Variants in CFAP46 observed in about 807,000 individuals in gnomAD.
CFAP46 encodes the protein cilia- and flagella-associated protein 46.
A neutral mutation model predicts 325.7 loss-of-function variants in CFAP46; 245 were observed. That is an observed-to-expected ratio of 0.75 (90% CI 0.68 to 0.84). The LOEUF is 0.84. Among genes scored for constraint, CFAP46 ranks in the 40% least tolerant of loss-of-function variants. The probability of loss-of-function intolerance (pLI) is 0.00; values close to 1 mark genes in which losing one functional copy is unlikely to be tolerated. For synonymous variants in CFAP46, 1,523 were observed against 1,495.9 expected (o/e 1.02, Z -0.42); for missense variants, 3,346 against 3,543.0 (o/e 0.94, Z 1.41).
rs900597798 is a variant in CFAP46, at chr10:132,817,078, C to T, written c.7118-2164G>A. On this transcript the variant is annotated intron_variant, in intron 50 of 57. Transcript: ENST00000368586. The surrounding 1 kb of genome is among the most constrained non-coding windows in gnomAD (Gnocchi z 4.4). ...CTCTCTTTTTGCTCTTTGTCTGGAC[C>T]GTCAGTAATCCAGGCGTGGTAAAAT... is the stretch of plus-strand genomic sequence containing the variant. Among the ~76,000 whole-genome samples, 6 of 152,168 alleles carry T rather than the reference C, an allele frequency of 3.9e-5. No homozygotes were observed. The highest frequency in any genetic ancestry group is 1.9e-4 in the East Asian group (1 of 5,192).
Position 132,847,464 on chromosome 10 carries a change from C to G in CFAP46, c.5953-143G>C, listed in dbSNP as rs1848459253. 1 of 968,156 alleles carries G rather than the reference C, an allele frequency of 1.0e-6. No individual in the cohort carries two copies. Among genetic ancestry groups the G allele is most frequent in the Non-Finnish European group, 1.6e-6 (1 of 637,914 alleles). 60.0% of individuals were successfully genotyped at this position (968,156 alleles called of 1,614,324 possible). A position where few individuals can be genotyped will look rare whatever the true frequency, so the allele number is the denominator to read the frequency against. Reference sequence around the variant, plus strand: ...GGTACCGCAGGCCACAGCATGGCCTCTCACTATCCCAAACCCTCCATCCCT... The same window carrying G: ...GGTACCGCAGGCCACAGCATGGCCTGTCACTATCCCAAACCCTCCATCCCT... On this transcript the variant is annotated intron_variant, in intron 41 of 57. Transcript: ENST00000368586. The surrounding 1 kb of genome is among the most constrained non-coding windows in gnomAD (Gnocchi z 5.2).
chr10:132,932,037 C>T (rs1014206483), intron 8 of CFAP46, among the ~76,000 whole-genome samples: 4 of 146,310 alleles, frequency 2.7e-5, no homozygotes, highest in African/African-American at 1.0e-4. Flanking sequence ...CCAGACTTCT[C>T]ACACAAAGCC....
Position 132,823,180 on chromosome 10 carries a change from C to CACT in CFAP46, c.7118-8267_7118-8266insAGT, listed in dbSNP as rs569182960. ...GTGTGAGTGATGTGTGCTGTCTGTG[C>CACT]GCTGTGTGCTGATGTGTGCTGTGTG... On this transcript the variant is annotated intron_variant, in intron 50 of 57. Coordinates refer to ENST00000368586, the MANE Select transcript of CFAP46 (RefSeq NM_001200049.3). Among the ~76,000 whole-genome samples the CACT allele has an allele frequency of 7.9e-3, 420 of 53,434 alleles. 21 individuals carry two copies. In the South Asian group the frequency reaches 0.11, roughly 14 times the overall value. The allele number at this position is 53,434 out of a possible 152,430, so 35.1% of individuals were successfully genotyped here. A position where few individuals can be genotyped will look rare whatever the true frequency, so the allele number is the denominator to read the frequency against.
intron 34 of CFAP46, 38 bp from the exon 35 acceptor site, chr10:132,866,209 C>A: frequency 1.4e-6 from 2 of 1,460,606 alleles, no homozygotes; most frequent in South Asian, 1.4e-5. Flanking sequence ...ACGATCCTGA[C>A]ACTTGTGACC....
chr10:132,936,512 C>A (rs1178841639), intron 7 of CFAP46, among the ~76,000 whole-genome samples: 33 of 133,092 alleles, frequency 2.5e-4, no homozygotes, highest in South Asian at 1.0e-3. Context: ...TCCCCTCGGC[C>A]CCCAAATACA....
At chr10:132,941,859 C>T in intron 2 of CFAP46, 121 bp downstream of exon 2, 3 of 1,511,054 alleles carry the variant, frequency 2.0e-6, no homozygotes, top group Non-Finnish European at 2.7e-6. Context: ...CCATCCTGGC[C>T]CCTTGACTGC....
rs181049474 is a variant in CFAP46, at chr10:132,830,618, C to T, written c.7117+2740G>A. Among the ~76,000 whole-genome samples the T allele has an allele frequency of 3.7e-3, 556 of 152,288 alleles. 2 individuals carry two copies. Among genetic ancestry groups the T allele is most frequent in the Admixed American group, 6.3e-3 (96 of 15,286 alleles). On this transcript the variant is annotated intron_variant, in intron 50 of 57. Coordinates refer to ENST00000368586, the MANE Select transcript of CFAP46 (RefSeq NM_001200049.3). ...TTGGTGCAGCATTATTCATTATTTA[C>T]TTTTTATCCTCTCTTGACTCTGTAG... is the stretch of plus-strand genomic sequence containing the variant.
At chr10:132,885,369 C>T in intron 26 of CFAP46, 83 bp from the exon 27 acceptor site, 1 of 1,320,576 alleles carries the variant, frequency 7.6e-7, no homozygotes, top group Non-Finnish European at 1.0e-6. Context: ...GGACTTATTC[C>T]TCCACCTCCA....
chr10:132,820,338 G>C (rs1041962330), intron 50 of CFAP46, among the ~76,000 whole-genome samples: 2 of 151,266 alleles, frequency 1.3e-5, no homozygotes, highest in Non-Finnish European at 2.9e-5. Context: ...GGTGGCTGAC[G>C]GGGGCTGGGG....
chr10:132,896,271 G>A (rs576961339), intron 24 of CFAP46, among the ~76,000 whole-genome samples: 1 of 151,126 alleles, frequency 6.6e-6, no homozygotes, highest in South Asian at 2.1e-4. Context: ...ATGAAGACAT[G>A]GTGAGAAGGC....
In CFAP46 at chr10:132,808,643, G is replaced by A; in HGVS notation, c.7926C>T (p.Ala2642=). 1 of 1,603,534 alleles carries A rather than the reference G, an allele frequency of 6.2e-7. No homozygotes were observed. Among genetic ancestry groups the A allele is most frequent in the Non-Finnish European group, 8.5e-7 (1 of 1,175,056 alleles). Reference sequence around the variant, plus strand: ...GGTCCCTGGCTGAGGCTGCACCAAGGGCTGGGGAGAGGCCCAGGAAGGGGA... The same window carrying A: ...GGTCCCTGGCTGAGGCTGCACCAAGAGCTGGGGAGAGGCCCAGGAAGGGGA... ...LALPFLGLSP[A]LGAASARDPP... Residue 2642 remains alanine, a synonymous_variant, in exon 58 of 58, where the codon GCC becomes GCT. Coordinates refer to ENST00000368586, the MANE Select transcript of CFAP46 (RefSeq NM_001200049.3). The surrounding 1 kb of genome is among the most constrained non-coding windows in gnomAD (Gnocchi z 6.8).
rs1262990876 is a variant in CFAP46, at chr10:132,849,258, G to T, written c.5952+986C>A. On this transcript the variant is annotated intron_variant, in intron 41 of 57. Transcript: ENST00000368586. ...CCCGCTACCTGAGCAGGCCAATGGAGGCTGGTTGCATGCAGAGCCTCGATT... is the reference window on the plus strand; with the variant it reads ...CCCGCTACCTGAGCAGGCCAATGGATGCTGGTTGCATGCAGAGCCTCGATT... 4.6e-5 allele frequency among the ~76,000 whole-genome samples: 7 copies of T among 152,236 alleles called. No homozygotes were observed. The South Asian group carries it at 6.2e-4, about 13-fold the overall frequency.
chr10:132,834,994 A>G (rs757278454), intron 47 of CFAP46, among the ~76,000 whole-genome samples: 11 of 152,176 alleles, frequency 7.2e-5, no homozygotes, highest in Non-Finnish European at 1.5e-4. Flanking sequence ...CTCTGCCCGC[A>G]CCACGGAGGG....
At chr10:132,922,366 T>G (rs1849737335) in intron 12 of CFAP46, 114 bp downstream of exon 12, 10 of 1,448,840 alleles carry the variant, frequency 6.9e-6, no homozygotes, top group African/African-American at 1.4e-5. Flanking sequence ...GTCCCAGGCC[T>G]CCTTGCTTCA....
chr10:132,929,637 T>C, intron 9 of CFAP46, 68 bp downstream of exon 9: 1 of 1,450,262 alleles, frequency 6.9e-7, no homozygotes, highest in South Asian at 1.1e-5. Context: ...TTCCTTTCTT[T>C]GCCTTTTGTC....
intron 45 of CFAP46, among the ~76,000 whole-genome samples, chr10:132,836,481 C>T (rs557555404): frequency 4.6e-5 from 7 of 152,366 alleles, no homozygotes; most frequent in African/African-American, 1.4e-4. Flanking sequence ...GAGGCACCGC[C>T]GGCTGGCTCC....
intron 7 of CFAP46, among the ~76,000 whole-genome samples, chr10:132,935,208 G>C (rs1591100823): frequency 6.6e-6 from 1 of 152,142 alleles, no homozygotes; most frequent in East Asian, 1.9e-4. Flanking sequence ...TCTCTCCCAG[G>C]GATGCTGCCC....
chr10:132,939,794 G>A lies in CFAP46; in HGVS notation c.372-1041C>T, dbSNP rs1014191638. ...GAGTGCTGCGTCTCGAAAGGAACCC[G>A]TCTCCTCCCTGTAAGTGGCTCTCCC... On this transcript the variant is annotated intron_variant, in intron 4 of 57. Transcript: ENST00000368586. This position sits in a 1 kb window ranked among gnomAD's most constrained non-coding sequence, Gnocchi z 4.6. Among the ~76,000 whole-genome samples the A allele has an allele frequency of 1.3e-5, 2 of 152,162 alleles. No individual in the cohort carries two copies. The highest frequency in any genetic ancestry group is 3.9e-4 in the East Asian group (2 of 5,166).
In CFAP46 at chr10:132,870,283, A is replaced by T. The variant is rs1848878907; in HGVS notation, c.4512-911T>A. Among the ~76,000 whole-genome samples the T allele has an allele frequency of 2.6e-5, 4 of 152,124 alleles. No individual in the cohort carries two copies. The South Asian group carries it at 8.3e-4, about 32-fold the overall frequency. ...CCCTTGGGCCTCCCTATTCCCCAAGACACAGAAATTTTGAAATTAGGCCAG... is the reference window on the plus strand; with the variant it reads ...CCCTTGGGCCTCCCTATTCCCCAAGTCACAGAAATTTTGAAATTAGGCCAG... On this transcript the variant is annotated intron_variant, in intron 32 of 57. Transcript: ENST00000368586.
Sources: allele counts gnomAD v4.1 joint callset (sites outside exome capture counted in the v4.1 genomes callset), GRCh38; gene constraint gnomAD v4.1.1; non-coding constraint Gnocchi (gnomAD v3.1); transcripts MANE v1.5; gene names NCBI Gene and HGNC (gene_info 2026-07-23, HGNC 2026-07-21).